Variants in PCDH15 observed in about 807,000 individuals in gnomAD.
PCDH15 encodes the protein protocadherin-15.
Under a neutral mutation model 178.5 loss-of-function variants are expected in PCDH15, and 129 were observed. That is an observed-to-expected ratio of 0.72 (90% confidence interval 0.63 to 0.84). The LOEUF is 0.84. Among genes scored for constraint, PCDH15 ranks in the 40% least tolerant of loss-of-function variants. The probability of loss-of-function intolerance (pLI) is 0.00; values close to 1 mark genes in which losing one functional copy is unlikely to be tolerated. For synonymous variants in PCDH15, 800 were observed against 732.0 expected (o/e 1.09, Z -1.50); for missense variants, 2,230 against 2,099.9 (o/e 1.06, Z -1.21).
intron 2 of PCDH15, among the ~76,000 whole-genome samples, chr10:54,953,567 A>AT (rs890410728): frequency 1.3e-5 from 2 of 151,362 alleles, no homozygotes; most frequent in African/African-American, 4.8e-5. Context: ...GGTTAGCATT[A>AT]TTTTTTTCAT....
intron 2 of PCDH15, among the ~76,000 whole-genome samples, chr10:54,632,254 G>T (rs1477392982): frequency 1.3e-5 from 2 of 151,992 alleles, no homozygotes; most frequent in African/African-American, 4.8e-5. Context: ...ACATAAATAT[G>T]GGAACACTAG....
At chr10:54,779,921 C>G (rs978159147) in intron 1 of PCDH15, among the ~76,000 whole-genome samples, 1 of 151,990 alleles carries the variant, frequency 6.6e-6, no homozygotes, top group Non-Finnish European at 1.5e-5. Context: ...ATTAAATTGG[C>G]CACTATTGGT....
intron 13 of PCDH15, among the ~76,000 whole-genome samples, chr10:54,179,048 C>T (rs971304258): frequency 1.3e-5 from 2 of 152,094 alleles, no homozygotes; most frequent in South Asian, 2.1e-4. Context: ...TACCATTTGA[C>T]CCAGCCATCC....
At chr10:54,871,386 C>T (rs1274937457) in intron 3 of PCDH15, among the ~76,000 whole-genome samples, 1 of 146,934 alleles carries the variant, frequency 6.8e-6, no homozygotes, top group Non-Finnish European at 1.5e-5. Flanking sequence ...AAATAAGCTA[C>T]TTGAAAAAAA....
chr10:55,571,296 C>T (rs1842404160), intron 2 of PCDH15, among the ~76,000 whole-genome samples: 1 of 152,022 alleles, frequency 6.6e-6, no homozygotes, highest in Non-Finnish European at 1.5e-5. Flanking sequence ...ATTTCTTATA[C>T]AGCCTGTAGA....
chr10:55,543,533 G>GA (rs1454253558), intron 2 of PCDH15, among the ~76,000 whole-genome samples: 4 of 151,214 alleles, frequency 2.6e-5, no homozygotes, highest in Non-Finnish European at 5.9e-5. Flanking sequence ...ACCCTAGTCA[G>GA]AAAAAATTAC....
In PCDH15 at chr10:53,804,901, A is replaced by G. The variant is rs898416334; in HGVS notation, c.*1678T>C. The G allele has an allele frequency of 6.6e-6, 1 of 151,832 alleles. No individual in the cohort carries two copies. Among genetic ancestry groups the G allele is most frequent in the Non-Finnish European group, 1.5e-5 (1 of 67,896 alleles). 9.4% of individuals were successfully genotyped at this position (151,832 alleles called of 1,614,324 possible). ...GTGTGGTCATGATTCTACGTTTCTA[A>G]TCTAGCTAATGCCACTAGGTTTTTT... is the stretch of plus-strand genomic sequence containing the variant. On this transcript the variant is annotated 3_prime_UTR_variant, in exon 38 of 38. Transcript: ENST00000644397.
At chr10:53,992,215 T>G (rs898194848) in intron 21 of PCDH15, among the ~76,000 whole-genome samples, 11 of 152,078 alleles carry the variant, frequency 7.2e-5, no homozygotes, top group African/African-American at 2.7e-4. Context: ...GTTTCACTGT[T>G]GAAGCCAGCA....
intron 2 of PCDH15, among the ~76,000 whole-genome samples, chr10:55,598,995 C>A (rs1843002894): frequency 6.6e-6 from 1 of 152,190 alleles, no homozygotes; most frequent in African/African-American, 2.4e-5. Flanking sequence ...TAAATCAAAC[C>A]ATTTACCCTC....
At chr10:54,249,508 T>C (rs1385338224) in intron 8 of PCDH15, among the ~76,000 whole-genome samples, 3 of 152,328 alleles carry the variant, frequency 2.0e-5, no homozygotes, top group African/African-American at 7.2e-5. Flanking sequence ...CCTATTTTGC[T>C]TTGTTTTAAT....
intron 1 of PCDH15, among the ~76,000 whole-genome samples, chr10:54,783,847 A>G (rs1950593487): frequency 1.3e-5 from 2 of 152,104 alleles, no homozygotes; most frequent in African/African-American, 4.8e-5. Context: ...GACTTTACCA[A>G]TTGTATTAAT....
chr10:55,541,520 A>G (rs967661692), intron 2 of PCDH15, among the ~76,000 whole-genome samples: 5 of 151,924 alleles, frequency 3.3e-5, no homozygotes, highest in Admixed American at 3.3e-4. Flanking sequence ...TAATGATTGT[A>G]TACATTTTCT....
At chr10:54,849,550 G>A (rs750611116) in intron 3 of PCDH15, among the ~76,000 whole-genome samples, 32 of 152,136 alleles carry the variant, frequency 2.1e-4, no homozygotes, top group Non-Finnish European at 4.3e-4. Flanking sequence ...ACCTATTTCC[G>A]CTGGGGCTTT....
At chr10:55,129,576 G>T (rs189681909) in intron 2 of PCDH15, among the ~76,000 whole-genome samples, 21 of 152,136 alleles carry the variant, frequency 1.4e-4, no homozygotes, top group African/African-American at 4.8e-4. Flanking sequence ...TTTGCAAAAT[G>T]AACTGAACTT....
At chr10:54,336,586 G>A (rs1352047320) in intron 6 of PCDH15, among the ~76,000 whole-genome samples, 3 of 152,326 alleles carry the variant, frequency 2.0e-5, no homozygotes, top group Admixed American at 1.3e-4. Context: ...ATGGTGTGGA[G>A]CCTATGGGTC....
intron 2 of PCDH15, among the ~76,000 whole-genome samples, chr10:54,566,339 T>C (rs914761807): frequency 2.0e-5 from 3 of 152,182 alleles, no homozygotes; most frequent in African/African-American, 7.2e-5. Context: ...CATTTACACA[T>C]CATTATCACT....
At chr10:53,838,665 G>T (rs905996986) in intron 29 of PCDH15, among the ~76,000 whole-genome samples, 12 of 152,052 alleles carry the variant, frequency 7.9e-5, no homozygotes, top group Non-Finnish European at 1.0e-4. Flanking sequence ...ACATAAAAAA[G>T]AAATGTGTTG....
chr10:54,093,715 A>G (rs376946105), intron 15 of PCDH15, among the ~76,000 whole-genome samples: 5 of 152,290 alleles, frequency 3.3e-5, no homozygotes, highest in African/African-American at 9.6e-5. Context: ...TTTAAACCTA[A>G]TAGTAACTTT....
At position 54,183,517 on chromosome 10, in the gene PCDH15, G is replaced by C. The variant is rs367937228; in HGVS notation, c.1517C>G (p.Thr506Arg). 1.2e-6 allele frequency: 2 copies of C among 1,613,700 alleles called. No homozygotes were observed. Reference protein sequence around the residue: ...NIQVMDANDNTPTFPEISYDV... With the variant: ...NIQVMDANDNRPTFPEISYDV... ...ATAGGATATTTCAGGGAAGGTTGGC[G>C]TGTTATCATTTGCATCCATCACTTG... is the stretch of plus-strand genomic sequence containing the variant. Residue 506 changes from threonine (T) to arginine (R), a missense_variant, in exon 13 of 38, where the codon ACG (threonine) becomes AGG (arginine). Transcript: ENST00000644397.
Sources: gnomAD v4.1 joint callset for allele counts (sites outside exome capture counted in the v4.1 genomes callset) on GRCh38, gnomAD v4.1.1 for gene constraint, MANE v1.5 for transcripts, NCBI Gene and HGNC (gene_info 2026-07-23, HGNC 2026-07-21) for gene names.